TSHZ2: variants seen among roughly 807,000 people sequenced by gnomAD.
TSHZ2 encodes the protein teashirt zinc finger homeobox 2.
Under a neutral mutation model 74.4 loss-of-function variants are expected in TSHZ2, and 21 were observed. The ratio of observed to expected loss-of-function variants is 0.28; its 90% CI spans 0.20 to 0.41. The LOEUF (loss-of-function observed/expected upper bound fraction) is 0.41. TSHZ2 is among the 10% of genes least tolerant of loss of function. The pLI, the probability that TSHZ2 is intolerant of heterozygous loss-of-function variation, is 1.00. For missense variants in TSHZ2, 1,244 were observed against 1,293.5 expected, an observed-to-expected ratio of 0.96 and a Z score of 0.59; for synonymous variants, 540 against 515.3, an observed-to-expected ratio of 1.05 and a Z score of -0.65.
At chr20:53,378,247 G>A (rs1049537354) in intron 2 of TSHZ2, among the ~76,000 whole-genome samples, 19 of 151,820 alleles carry the variant, frequency 1.3e-4, no homozygotes, top group African/African-American at 4.1e-4. Context: ...AGCTGATGCA[G>A]GGGAATCGCT....
intron 1 of TSHZ2, among the ~76,000 whole-genome samples, chr20:53,146,071 G>GA (rs1449558850): frequency 6.6e-6 from 1 of 152,126 alleles, no homozygotes; most frequent in Non-Finnish European, 1.5e-5. Flanking sequence ...TGGTGGGAGG[G>GA]AAATAGCCTG....
chr20:53,193,126 A>G (rs1988778430), intron 1 of TSHZ2, among the ~76,000 whole-genome samples: 1 of 151,650 alleles, frequency 6.6e-6, no homozygotes, highest in Non-Finnish European at 1.5e-5. Context: ...AGAACCATGA[A>G]GAATGTTCCT....
intron 1 of TSHZ2, among the ~76,000 whole-genome samples, chr20:53,011,102 T>C (rs759700555): frequency 2.6e-5 from 4 of 152,238 alleles, no homozygotes; most frequent in Non-Finnish European, 5.9e-5. Flanking sequence ...GTGCCTTTTA[T>C]GTAACTCAGG....
chr20:53,151,197 G>T (rs1025619769), intron 1 of TSHZ2, among the ~76,000 whole-genome samples: 2 of 152,146 alleles, frequency 1.3e-5, no homozygotes, highest in Non-Finnish European at 2.9e-5. Flanking sequence ...AGAATTGGGA[G>T]CTGGGTACAT....
chr20:53,098,111 A>T (rs984293218), intron 1 of TSHZ2: 1 of 152,196 alleles, frequency 6.6e-6, no homozygotes, highest in African/African-American at 2.4e-5. Flanking sequence ...ACCATTCTCC[A>T]TTCAAAATCA....
intron 1 of TSHZ2, among the ~76,000 whole-genome samples, chr20:53,174,868 G>A (rs557407147): frequency 2.6e-5 from 4 of 152,232 alleles, no homozygotes; most frequent in Non-Finnish European, 5.9e-5. Context: ...AGGAGGCAGC[G>A]TGAAGGAGGA....
intron 1 of TSHZ2, among the ~76,000 whole-genome samples, chr20:53,034,412 T>C (rs1983748238): frequency 6.6e-6 from 1 of 152,212 alleles, no homozygotes. Flanking sequence ...ACTGGGCATC[T>C]ACTTTGTGCC....
At chr20:53,012,105 A>G (rs530333942) in intron 1 of TSHZ2, among the ~76,000 whole-genome samples, 16 of 152,152 alleles carry the variant, frequency 1.1e-4, no homozygotes, top group Admixed American at 1.0e-3. Flanking sequence ...TCAGAGAGGT[A>G]CTCATACAGA....
chr20:53,250,308 T>A (rs2426476), intron 1 of TSHZ2, among the ~76,000 whole-genome samples: 50,460 of 151,968 alleles, frequency 0.33, 8,739 homozygotes, highest in South Asian at 0.47. Flanking sequence ...ATCCTAAGAC[T>A]TACACAAGAT....
chr20:53,089,887 A>C (rs1205585480), intron 1 of TSHZ2, among the ~76,000 whole-genome samples: 1 of 152,254 alleles, frequency 6.6e-6, no homozygotes, highest in African/African-American at 2.4e-5. Flanking sequence ...CTAATAGGAT[A>C]GATGTATATA....
rs869242676 is a variant in TSHZ2, at chr20:53,038,192, C to CAA, written c.40+64899_40+64900dup. ...GGGCGACAAGAGCGGGATTCCGTCT[C>CAA]AAAAAAAAAAAAAAAAAAAAAAAAA... is the stretch of plus-strand genomic sequence containing the variant. On this transcript the variant is annotated intron_variant, in intron 1 of 2. Coordinates refer to ENST00000371497, the MANE Select transcript of TSHZ2 (RefSeq NM_173485.6). 1.7e-4 allele frequency among the ~76,000 whole-genome samples: 9 copies of CAA among 53,940 alleles called. 1 individual carries two copies. The highest frequency in any genetic ancestry group is 6.3e-4 in the Admixed American group (2 of 3,170). 35.4% of individuals were successfully genotyped at this position (53,940 alleles called of 152,430 possible).
At chr20:53,114,433 C>T (rs754455857) in intron 1 of TSHZ2, among the ~76,000 whole-genome samples, 3 of 149,970 alleles carry the variant, frequency 2.0e-5, no homozygotes, top group Non-Finnish European at 4.4e-5. Flanking sequence ...CTAGTACCCA[C>T]CTCACGATAT....
chr20:53,275,220 C>T (rs890135635), intron 2 of TSHZ2, among the ~76,000 whole-genome samples: 3 of 152,136 alleles, frequency 2.0e-5, no homozygotes, highest in African/African-American at 7.2e-5. Flanking sequence ...CTTAATAACT[C>T]ATCTCATTCC....
At chr20:53,334,294 C>T (rs1979850062) in intron 2 of TSHZ2, among the ~76,000 whole-genome samples, 1 of 152,094 alleles carries the variant, frequency 6.6e-6, no homozygotes, top group African/African-American at 2.4e-5. Flanking sequence ...CAGTGTTTCC[C>T]AGGATGGTTG....
intron 1 of TSHZ2, among the ~76,000 whole-genome samples, chr20:53,135,453 G>A (rs1320000366): frequency 1.3e-5 from 2 of 152,180 alleles, no homozygotes; most frequent in African/African-American, 4.8e-5. Flanking sequence ...TGATCTGTAC[G>A]AGTTGCTGCC....
In TSHZ2 at chr20:53,293,715, A is replaced by G. The variant is rs953069798; in HGVS notation, c.*8+37144A>G. On this transcript the variant is annotated intron_variant, in intron 2 of 2. Transcript: ENST00000371497. ...AACTGGCTCTCAAAAAAAAAAAAAA[A>G]AAAGAAAAGAAACAGGTCCTGGCCA... 3.5e-4 allele frequency among the ~76,000 whole-genome samples: 52 copies of G among 147,996 alleles called. 2 individuals are homozygous for G. The highest frequency in any genetic ancestry group is 8.6e-4 in the Admixed American group (13 of 15,102).
chr20:53,192,292 TAA>T (rs58001328), intron 1 of TSHZ2, among the ~76,000 whole-genome samples: 6,332 of 137,000 alleles, frequency 0.046, 447 homozygotes, highest in East Asian at 0.35. Context: ...CTTCTCTGGC[TAA>T]AAAAAAAAAA....
At chr20:53,469,549 G>A (rs1281335637) in intron 2 of TSHZ2, among the ~76,000 whole-genome samples, 1 of 112,080 alleles carries the variant, frequency 8.9e-6, no homozygotes, top group Non-Finnish European at 1.8e-5. Flanking sequence ...AGAAAAGAAA[G>A]AAGGAGGGAA....
At chr20:53,060,015 AGT>A (rs1984769010) in intron 1 of TSHZ2, among the ~76,000 whole-genome samples, 1 of 152,210 alleles carries the variant, frequency 6.6e-6, no homozygotes, top group South Asian at 2.1e-4. Flanking sequence ...TATATGTAAA[AGT>A]GTGTAATTTT....
Sources: gnomAD v4.1 joint callset for allele counts (sites outside exome capture counted in the v4.1 genomes callset) on GRCh38, gnomAD v4.1.1 for gene constraint, MANE v1.5 for transcripts, NCBI Gene and HGNC (gene_info 2026-07-23, HGNC 2026-07-21) for gene names.